LRRTM4: variants seen among roughly 807,000 people sequenced by gnomAD.
LRRTM4 encodes the protein leucine-rich repeat transmembrane neuronal protein 4.
Under a neutral mutation model 47.6 loss-of-function variants are expected in LRRTM4, and 25 were observed. The observed-to-expected ratio is 0.53, with a 90% CI of 0.38 to 0.73. The LOEUF is 0.73. LRRTM4 is among the 30% of genes least tolerant of loss of function. LRRTM4 has a pLI of 0.00. For synonymous variants in LRRTM4, 311 were observed against 269.5 expected (o/e 1.15, Z -1.51); for missense variants, 638 against 713.4 (o/e 0.89, Z 1.20).
intron 3 of LRRTM4, among the ~76,000 whole-genome samples, chr2:76,961,033 A>G (rs1675840463): frequency 6.6e-6 from 1 of 151,494 alleles, no homozygotes; most frequent in Admixed American, 6.6e-5. Flanking sequence ...GTAAAGTTTT[A>G]TTTTTAATTT....
chr2:76,935,430 A>G (rs1674911987), intron 3 of LRRTM4, among the ~76,000 whole-genome samples: 1 of 152,094 alleles, frequency 6.6e-6, no homozygotes, highest in Admixed American at 6.5e-5. Context: ...GCATCTATAA[A>G]TTACTTTGGG....
chr2:77,298,668 A>G (rs1260689217), intron 3 of LRRTM4, among the ~76,000 whole-genome samples: 1 of 152,210 alleles, frequency 6.6e-6, no homozygotes, highest in Admixed American at 6.5e-5. Flanking sequence ...GTGATAGATG[A>G]TAAACCAAAA....
chr2:77,185,961 G>T (rs1444686191), intron 3 of LRRTM4, among the ~76,000 whole-genome samples: 1 of 151,996 alleles, frequency 6.6e-6, no homozygotes, highest in Non-Finnish European at 1.5e-5. Flanking sequence ...TGAACCCTTT[G>T]GTACAGTGTT....
chr2:77,024,393 A>G (rs927108936), intron 3 of LRRTM4, among the ~76,000 whole-genome samples: 5 of 152,112 alleles, frequency 3.3e-5, no homozygotes, highest in South Asian at 2.1e-4. Flanking sequence ...AAATTCATCA[A>G]TGTTGTCACA....
chr2:77,087,666 A>G (rs1402265092), intron 3 of LRRTM4, among the ~76,000 whole-genome samples: 1 of 152,252 alleles, frequency 6.6e-6, no homozygotes, highest in African/African-American at 2.4e-5. Flanking sequence ...GCCCAACAGC[A>G]TAGGATAAAA....
At chr2:76,927,963 A>G (rs898108336) in intron 3 of LRRTM4, among the ~76,000 whole-genome samples, 1 of 152,180 alleles carries the variant, frequency 6.6e-6, no homozygotes, top group African/African-American at 2.4e-5. Context: ...TTAAAGCGCA[A>G]TTACACTGAA....
intron 3 of LRRTM4, among the ~76,000 whole-genome samples, chr2:76,876,715 G>C (rs2104082484): frequency 6.6e-6 from 1 of 151,584 alleles, no homozygotes; most frequent in African/African-American, 2.4e-5. Flanking sequence ...AGATATATCT[G>C]GTCCATTTTT....
intron 3 of LRRTM4, among the ~76,000 whole-genome samples, chr2:76,844,315 T>G (rs111517469): frequency 0.039 from 5,883 of 152,090 alleles, 359 homozygotes; most frequent in African/African-American, 0.13. Context: ...TTTTGTATTT[T>G]TGGTAGAGAC....
At chr2:77,018,559 T>C (rs1254424408) in intron 3 of LRRTM4, among the ~76,000 whole-genome samples, 1 of 152,148 alleles carries the variant, frequency 6.6e-6, no homozygotes, top group Non-Finnish European at 1.5e-5. Context: ...AACCAACCTT[T>C]TGCATTTCTG....
At chr2:77,026,967 C>T (rs892017966) in intron 3 of LRRTM4, among the ~76,000 whole-genome samples, 1 of 152,040 alleles carries the variant, frequency 6.6e-6, no homozygotes, top group Non-Finnish European at 1.5e-5. Context: ...AAGAAAATCA[C>T]CCTTTCCCAT....
chr2:77,150,621 C>T (rs950551357), intron 3 of LRRTM4, among the ~76,000 whole-genome samples: 18 of 152,030 alleles, frequency 1.2e-4, no homozygotes, highest in Non-Finnish European at 2.1e-4. Flanking sequence ...TATATATTCA[C>T]ACATATATAA....
intron 3 of LRRTM4, among the ~76,000 whole-genome samples, chr2:76,761,422 T>G (rs73940047): frequency 0.061 from 9,350 of 152,244 alleles, 867 homozygotes; most frequent in African/African-American, 0.2. Context: ...TATATTCTAT[T>G]CTTTTGTCTA....
intron 3 of LRRTM4, among the ~76,000 whole-genome samples, chr2:76,826,035 G>A (rs1001234471): frequency 3.3e-5 from 5 of 151,672 alleles, no homozygotes. Flanking sequence ...TCTTGGAATT[G>A]AATGAATAGA....
At chr2:77,482,934 A>G (rs1362359947) in intron 3 of LRRTM4, among the ~76,000 whole-genome samples, 14 of 151,752 alleles carry the variant, frequency 9.2e-5, no homozygotes, top group Non-Finnish European at 2.9e-5. Context: ...CATCCTGGCC[A>G]ACATGGTAAA....
Position 76,775,409 on chromosome 2 carries a change from C to A in LRRTM4, c.1552-26493G>T, listed in dbSNP as rs558971187. On this transcript the variant is annotated intron_variant, in intron 3 of 3. Coordinates refer to ENST00000409884, the MANE Select transcript of LRRTM4 (RefSeq NM_001134745.3). Reference sequence around the variant, plus strand: ...TGAGGGCAAGTAGACCATGTAGATGCCTTTGGTGCTGAACTCATGAGGCTC... The same window carrying A: ...TGAGGGCAAGTAGACCATGTAGATGACTTTGGTGCTGAACTCATGAGGCTC... Among the ~76,000 whole-genome samples, 13 of 152,178 alleles carry A rather than the reference C, an allele frequency of 8.5e-5. No homozygotes were observed. In the South Asian group the frequency reaches 2.7e-3, roughly 32 times the overall value.
intron 3 of LRRTM4, among the ~76,000 whole-genome samples, chr2:76,818,507 A>G (rs142124358): frequency 4.6e-5 from 7 of 151,860 alleles, no homozygotes; most frequent in African/African-American, 1.7e-4. Context: ...GCTTGTATAA[A>G]AACTATTACA....
At chr2:77,485,651 A>G (rs1487783126) in intron 3 of LRRTM4, among the ~76,000 whole-genome samples, 1 of 152,190 alleles carries the variant, frequency 6.6e-6, no homozygotes, top group African/African-American at 2.4e-5. Flanking sequence ...TTTGTTCTTG[A>G]ACAAGACAGC....
At chr2:77,209,558 A>C (rs1674235710) in intron 3 of LRRTM4, among the ~76,000 whole-genome samples, 1 of 152,322 alleles carries the variant, frequency 6.6e-6, no homozygotes, top group Admixed American at 6.5e-5. Context: ...GGTAGGTATT[A>C]TCGACAATGT....
chr2:76,812,379 C>T (rs1344578262), intron 3 of LRRTM4, among the ~76,000 whole-genome samples: 1 of 152,158 alleles, frequency 6.6e-6, no homozygotes, highest in Admixed American at 6.5e-5. Context: ...GAAATGCTCT[C>T]TGAGAAGGAA....
Sources: gnomAD v4.1 joint callset for allele counts (sites outside exome capture counted in the v4.1 genomes callset) on GRCh38, gnomAD v4.1.1 for gene constraint, MANE v1.5 for transcripts, NCBI Gene and HGNC (gene_info 2026-07-23, HGNC 2026-07-21) for gene names.